DAB1: variants seen among roughly 807,000 people sequenced by gnomAD.
DAB1 encodes the protein DAB adaptor protein 1, also known as disabled homolog 1.
A neutral mutation model predicts 64.6 loss-of-function variants in DAB1; 15 were observed. The observed-to-expected ratio is 0.23, with a 90% CI of 0.16 to 0.36. DAB1 has a LOEUF of 0.36. Ranked by LOEUF, DAB1 falls within the 10% of genes least tolerant of loss-of-function variation. The pLI is 1.00. For missense variants in DAB1, 596 were observed against 706.7 expected, an observed-to-expected ratio of 0.84 and a Z score of 1.78; for synonymous variants, 235 against 251.9, an observed-to-expected ratio of 0.93 and a Z score of 0.64.
At chr1:58,493,020 A>C (rs1226777958) in intron 3 of DAB1, among the ~76,000 whole-genome samples, 1 of 152,242 alleles carries the variant, frequency 6.6e-6, no homozygotes, top group Non-Finnish European at 1.5e-5. Context: ...ATCCTCAATA[A>C]AATACTGGCA....
intron 5 of DAB1, among the ~76,000 whole-genome samples, chr1:57,932,834 T>G (rs914110400): frequency 6.6e-6 from 1 of 152,202 alleles, no homozygotes; most frequent in Non-Finnish European, 1.5e-5. Context: ...TATCTTTATA[T>G]GTAAAATGGG....
chr1:57,147,136 G>C (rs1191530756), intron 2 of DAB1, among the ~76,000 whole-genome samples: 1 of 151,448 alleles, frequency 6.6e-6, no homozygotes, highest in Non-Finnish European at 1.5e-5. Context: ...GCTCAGGCAA[G>C]TCTCCTACTT....
chr1:58,177,942 C>T (rs1462234145), intron 4 of DAB1, among the ~76,000 whole-genome samples: 1 of 152,160 alleles, frequency 6.6e-6, no homozygotes, highest in African/African-American at 2.4e-5. Context: ...ATTCTCTGAG[C>T]CTCTATTTTT....
Position 57,399,040 on chromosome 1 carries a change from C to T in DAB1, c.-137+24890G>A, listed in dbSNP as rs1156482689. 5.3e-5 allele frequency among the ~76,000 whole-genome samples: 8 copies of T among 152,180 alleles called. 1 individual carries two copies. The highest frequency in any genetic ancestry group is 5.2e-4 in the Admixed American group (8 of 15,282). ...TCACAGCTCTTCCTTCCAATTTGGT[C>T]TGTAGTTGAAGCTTGAAATGATTAA... On this transcript the variant is annotated intron_variant, in intron 1 of 14. Transcript: ENST00000371236.
chr1:58,441,141 C>A (rs895169049), intron 3 of DAB1, among the ~76,000 whole-genome samples: 4 of 152,194 alleles, frequency 2.6e-5, no homozygotes, highest in Non-Finnish European at 5.9e-5. Context: ...GAAGCCCAAG[C>A]ACAGCCCTGC....
At chr1:57,190,022 A>G (rs951005523) in intron 2 of DAB1, among the ~76,000 whole-genome samples, 1 of 152,142 alleles carries the variant, frequency 6.6e-6, no homozygotes, top group African/African-American at 2.4e-5. Flanking sequence ...GTCCCAGCTC[A>G]ATATCTGGGA....
At chr1:57,560,221 C>T (rs147806944) in intron 7 of DAB1, among the ~76,000 whole-genome samples, 221 of 152,314 alleles carry the variant, frequency 1.5e-3, no homozygotes, top group East Asian at 4.6e-3. Context: ...ATCAGTTCTC[C>T]GGCTTTGTGT....
At chr1:57,485,982 C>T (rs2101257396) in intron 7 of DAB1, among the ~76,000 whole-genome samples, 1 of 152,268 alleles carries the variant, frequency 6.6e-6, no homozygotes, top group East Asian at 1.9e-4. Flanking sequence ...ATCACTGTCT[C>T]CTCTAAGATT....
At chr1:58,220,530 G>A (rs564776068) in intron 4 of DAB1, among the ~76,000 whole-genome samples, 1 of 152,242 alleles carries the variant, frequency 6.6e-6, no homozygotes, top group South Asian at 2.1e-4. Flanking sequence ...CTTTAACATA[G>A]TCATTTTTTA....
At chr1:57,502,236 C>A (rs1238648812) in intron 7 of DAB1, among the ~76,000 whole-genome samples, 2 of 144,648 alleles carry the variant, frequency 1.4e-5, no homozygotes, top group Admixed American at 7.4e-5. Context: ...AGGAGAATGG[C>A]GTGAACCTGG....
intron 5 of DAB1, among the ~76,000 whole-genome samples, chr1:57,956,356 G>A (rs1202645059): frequency 6.6e-6 from 1 of 152,166 alleles, no homozygotes; most frequent in Non-Finnish European, 1.5e-5. Flanking sequence ...CTATATGAGA[G>A]GGATTCCTGT....
At chr1:57,547,854 G>A (rs1644872566) in intron 7 of DAB1, among the ~76,000 whole-genome samples, 1 of 152,096 alleles carries the variant, frequency 6.6e-6, no homozygotes, top group Admixed American at 6.6e-5. Context: ...CTATCTTTAT[G>A]ATGTTTCTGT....
chr1:57,439,549 C>T (rs886320157), intron 7 of DAB1, among the ~76,000 whole-genome samples: 5 of 149,716 alleles, frequency 3.3e-5, no homozygotes, highest in African/African-American at 5.0e-5. Flanking sequence ...CTGCCTCAGC[C>T]TCCCGAGTAG....
chr1:57,638,248 A>G (rs529443229), intron 7 of DAB1, among the ~76,000 whole-genome samples: 23 of 152,380 alleles, frequency 1.5e-4, no homozygotes, highest in African/African-American at 5.0e-4. Context: ...TTACAAAAAC[A>G]TGGCATATTG....
chr1:57,113,428 G>T lies in DAB1; in HGVS notation c.306+23115C>A, dbSNP rs191886363. ...AGTAATTTTAGCTTTTAAAATTCTA[G>T]ATTAGGGGTTGGCAGACTTTTTCTG... On this transcript the variant is annotated intron_variant, in intron 4 of 14. Coordinates refer to ENST00000371236, the MANE Select transcript of DAB1 (RefSeq NM_001365792.1). Among the ~76,000 whole-genome samples, 27 of 152,296 alleles carry T rather than the reference G, an allele frequency of 1.8e-4. No homozygotes were observed. The South Asian group carries it at 3.1e-3, about 18-fold the overall frequency.
At chr1:57,273,914 A>G (rs944611641) in intron 2 of DAB1, among the ~76,000 whole-genome samples, 14 of 152,154 alleles carry the variant, frequency 9.2e-5, no homozygotes, top group Non-Finnish European at 1.9e-4. Context: ...CGGTGAGTCC[A>G]CTTCCTACAC....
intron 4 of DAB1, among the ~76,000 whole-genome samples, chr1:58,178,159 C>T (rs1229127928): frequency 6.6e-6 from 1 of 152,106 alleles, no homozygotes. Flanking sequence ...AAAGTAGTAA[C>T]CTTCTCTCAA....
chr1:57,820,419 T>A (rs1215881058), intron 6 of DAB1, among the ~76,000 whole-genome samples: 1 of 152,116 alleles, frequency 6.6e-6, no homozygotes, highest in East Asian at 1.9e-4. Flanking sequence ...GTGAAAAGCT[T>A]AGTCACTTAA....
At chr1:57,909,926 C>G (rs1383065497) in intron 5 of DAB1, among the ~76,000 whole-genome samples, 1 of 152,186 alleles carries the variant, frequency 6.6e-6, no homozygotes, top group African/African-American at 2.4e-5. Context: ...TGGCGTCTGA[C>G]AGCAGCACCT....
Sources: gnomAD v4.1 joint callset for allele counts (sites outside exome capture counted in the v4.1 genomes callset) on GRCh38, gnomAD v4.1.1 for gene constraint, MANE v1.5 for transcripts, NCBI Gene and HGNC (gene_info 2026-07-23, HGNC 2026-07-21) for gene names.